CDIN1: variants seen among roughly 807,000 people sequenced by gnomAD.
CDIN1 encodes the protein CDAN1 interacting nuclease 1, also known as CDAN1-interacting nuclease 1.
CDIN1 carries 33 observed loss-of-function variants against 45.3 expected under a neutral mutation model. The observed-to-expected ratio is 0.73, with a 90% CI of 0.55 to 0.97. The LOEUF (loss-of-function observed/expected upper bound fraction) is 0.97, where lower values mean the gene tolerates loss of function less well. CDIN1 is among the 50% of genes least tolerant of loss of function. CDIN1 has a pLI of 0.00. For missense variants in CDIN1, 303 were observed against 339.4 expected (o/e 0.89, Z 0.84); for synonymous variants, 118 against 124.4 (o/e 0.95, Z 0.34).
chr15:36,613,310 A>T (rs1039321076), intron 1 of CDIN1, among the ~76,000 whole-genome samples: 3 of 152,220 alleles, frequency 2.0e-5, no homozygotes, highest in Admixed American at 6.5e-5. Flanking sequence ...TGGAAGGCTA[A>T]TAGGTGCAAG....
At chr15:36,691,141 A>G (rs1230644587) in intron 5 of CDIN1, 1 of 518,470 alleles carries the variant, frequency 1.9e-6, no homozygotes, top group Non-Finnish European at 3.9e-6. Context: ...TGGAATGGAG[A>G]TAGGATTTTA....
At chr15:36,767,346 T>C (rs1004225119) in intron 10 of CDIN1, among the ~76,000 whole-genome samples, 1 of 152,208 alleles carries the variant, frequency 6.6e-6, no homozygotes, top group Non-Finnish European at 1.5e-5. Flanking sequence ...GATCTGAGCA[T>C]AACAAGGACC....
intron 10 of CDIN1, among the ~76,000 whole-genome samples, chr15:36,755,430 G>T (rs2053586171): frequency 1.3e-5 from 2 of 152,018 alleles, no homozygotes; most frequent in Admixed American, 6.6e-5. Flanking sequence ...TTCATATTTG[G>T]CTTCAGCTCC....
chr15:36,635,524 TG>T (rs1206083246), intron 1 of CDIN1, among the ~76,000 whole-genome samples: 1 of 152,066 alleles, frequency 6.6e-6, no homozygotes, highest in Non-Finnish European at 1.5e-5. Flanking sequence ...GGGGTATCCT[TG>T]GGGGTCCTAG....
chr15:36,649,558 A>G (rs980783852), intron 3 of CDIN1, among the ~76,000 whole-genome samples: 1 of 152,208 alleles, frequency 6.6e-6, no homozygotes, highest in Non-Finnish European at 1.5e-5. Flanking sequence ...TGAAAGACTC[A>G]TTTATATCTA....
intron 10 of CDIN1, among the ~76,000 whole-genome samples, chr15:36,790,643 T>G (rs1294776184): frequency 2.0e-5 from 3 of 152,182 alleles, no homozygotes; most frequent in Admixed American, 6.5e-5. Flanking sequence ...ACCCCATAAA[T>G]GTCTAAAATA....
rs1434223192 is a variant in CDIN1 at position 36,784,784 on chromosome 15, C to T, written c.717-23540C>T. ...AACATTCTTTATATGCTTGATATCT[C>T]TCCTCCTCTTTGCTACTTTTTCCTT... On this transcript the variant is annotated intron_variant, in intron 10 of 10. Coordinates refer to ENST00000566621, the MANE Select transcript of CDIN1 (RefSeq NM_001321759.2). Among the ~76,000 whole-genome samples, 5 of 152,062 alleles carry T rather than the reference C, an allele frequency of 3.3e-5. No homozygotes were observed. The South Asian group carries it at 8.3e-4, about 25-fold the overall frequency.
At chr15:36,645,554 TTATAA>T (rs1238795006) in intron 3 of CDIN1, among the ~76,000 whole-genome samples, 6 of 149,762 alleles carry the variant, frequency 4.0e-5, no homozygotes, top group Admixed American at 1.3e-4. Flanking sequence ...TGAGATGTAG[TTATAA>T]TATTATGAAA....
At chr15:36,600,371 A>G (rs2038038477) in intron 1 of CDIN1, among the ~76,000 whole-genome samples, 1 of 152,212 alleles carries the variant, frequency 6.6e-6, no homozygotes, top group African/African-American at 2.4e-5. Flanking sequence ...GCGGGGTGCA[A>G]TATGGTGCCT....
rs1160448598 is a variant in CDIN1 at position 36,800,907 on chromosome 15, GTGTATATATATATATA to G, written c.717-7415_717-7400del. On this transcript the variant is annotated intron_variant, in intron 10 of 10. Coordinates refer to ENST00000566621, the MANE Select transcript of CDIN1 (RefSeq NM_001321759.2). ...TGTGTGTGTGTGTGTGTGTGTGTGT[GTGTATATATATATATA>G]TATATATATATATATATATATGATT... Among the ~76,000 whole-genome samples, 24 of 31,618 alleles carry G rather than the reference GTGTATATATATATATA, an allele frequency of 7.6e-4. No individual in the cohort carries two copies. In the East Asian group the frequency reaches 0.024, roughly 32 times the overall value. The allele number at this position is 31,618 out of a possible 152,430, so 20.7% of individuals were successfully genotyped here.
chr15:36,765,086 C>T (rs564598187), intron 10 of CDIN1, among the ~76,000 whole-genome samples: 8 of 137,068 alleles, frequency 5.8e-5, no homozygotes, highest in East Asian at 4.4e-4. Flanking sequence ...GATGGAGTCT[C>T]GCTCCGTCAT....
At position 36,699,857 on chromosome 15, in the gene CDIN1, T is replaced by G. The variant is rs192269088; in HGVS notation, c.544+2467T>G. On this transcript the variant is annotated intron_variant, in intron 8 of 10. Transcript: ENST00000566621. ...GTGTTCTTATCATTGAAGATTTGAATGTACTGATAGGAGTTCATCCTATCT... is the reference window on the plus strand; with the variant it reads ...GTGTTCTTATCATTGAAGATTTGAAGGTACTGATAGGAGTTCATCCTATCT... Among the ~76,000 whole-genome samples the G allele has an allele frequency of 3.3e-5, 5 of 152,322 alleles. No individual in the cohort carries two copies. The East Asian group carries it at 9.6e-4, about 29-fold the overall frequency.
Position 36,709,870 on chromosome 15 carries a change from A to G in CDIN1, c.625A>G (p.Ile209Val), listed in dbSNP as rs201858233. Reference sequence around the variant, plus strand: ...TTGTCCCTTAGCTGTAGAAGGGCACATAATTCACTGGATTGAAAGCAAAGC... The same window carrying G: ...TTGTCCCTTAGCTGTAGAAGGGCACGTAATTCACTGGATTGAAAGCAAAGC... ...LQVPVAVEGHIIHWIESKASF... is the reference protein window; with the variant it reads ...LQVPVAVEGHVIHWIESKASF... Residue 209 changes from isoleucine to valine, a missense_variant, in exon 10 of 11, where the codon ATA becomes GTA. Physicochemically the swap from Ile to Val is conservative, Grantham distance 29. Transcript: ENST00000566621. 9 of 1,613,390 alleles carry G rather than the reference A, an allele frequency of 5.6e-6. No individual in the cohort carries two copies. The highest frequency in any genetic ancestry group is 4.5e-5 in the East Asian group (2 of 44,862).
rs545299998 is a variant in CDIN1, at chr15:36,761,242, A to G, written c.717-47082A>G. Among the ~76,000 whole-genome samples, 5 of 152,308 alleles carry G rather than the reference A, an allele frequency of 3.3e-5. No individual in the cohort carries two copies. The East Asian group carries it at 9.6e-4, about 29-fold the overall frequency. The stretch of plus-strand genomic sequence containing the variant: ...CTAGATATTTCAGATTATTTCAAGC[A>G]GTCTCCTGCCCACTTTCCTGTGCCT... On this transcript the variant is annotated intron_variant, in intron 10 of 10. Coordinates refer to ENST00000566621, the MANE Select transcript of CDIN1 (RefSeq NM_001321759.2).
At chr15:36,686,736 AAGAG>A (rs948637567) in intron 5 of CDIN1, among the ~76,000 whole-genome samples, 8 of 149,408 alleles carry the variant, frequency 5.4e-5, no homozygotes, top group Admixed American at 2.0e-4. Flanking sequence ...ACAAGAAAGA[AAGAG>A]AGAGAGAGAA....
chr15:36,746,065 G>A (rs899605343), intron 10 of CDIN1, among the ~76,000 whole-genome samples: 4 of 152,140 alleles, frequency 2.6e-5, no homozygotes, highest in Non-Finnish European at 5.9e-5. Context: ...GAAAGGAACA[G>A]GATCCAGGTA....
At chr15:36,741,994 A>G (rs2044256732) in intron 10 of CDIN1, among the ~76,000 whole-genome samples, 1 of 152,196 alleles carries the variant, frequency 6.6e-6, no homozygotes, top group Non-Finnish European at 1.5e-5. Flanking sequence ...AATACTTAAA[A>G]ATCAGATTCA....
At chr15:36,594,863 T>C in intron 1 of CDIN1, 1 of 984,964 alleles carries the variant, frequency 1.0e-6, no homozygotes, top group Non-Finnish European at 1.2e-6. Context: ...TAGCAAGTTG[T>C]TTGGCTCTTT....
intron 10 of CDIN1, among the ~76,000 whole-genome samples, chr15:36,781,227 C>G (rs2054344260): frequency 6.6e-6 from 1 of 152,146 alleles, no homozygotes; most frequent in Non-Finnish European, 1.5e-5. Flanking sequence ...TTTGAGAGGG[C>G]AGCTATGCCA....
Sources: allele counts gnomAD v4.1 joint callset (sites outside exome capture counted in the v4.1 genomes callset), GRCh38; gene constraint gnomAD v4.1.1; transcripts MANE v1.5; gene names NCBI Gene and HGNC (gene_info 2026-07-23, HGNC 2026-07-21).